GPHN: variants seen among roughly 807,000 people sequenced by gnomAD.
The protein encoded by GPHN is gephyrin.
GPHN carries 17 observed loss-of-function variants against 95.5 expected under a neutral mutation model. The ratio of observed to expected loss-of-function variants is 0.18; its 90% CI spans 0.12 to 0.27. The LOEUF (loss-of-function observed/expected upper bound fraction) is 0.27. Among genes scored for constraint, GPHN ranks in the 10% least tolerant of loss-of-function variants. GPHN has a pLI of 1.00. For synonymous variants in GPHN, 320 were observed against 322.5 expected (o/e 0.99, Z 0.08); for missense variants, 660 against 978.1 (o/e 0.67, Z 4.34).
At chr14:67,577,246 A>G in the GPHN span, 1 of 1,073,332 alleles carries the variant, frequency 9.3e-7, no homozygotes, top group Non-Finnish European at 1.4e-6. Context: ...TGAGTGGGAG[A>G]TGAGTCCCCT....
chr14:67,310,138 T>G, the GPHN span, among the ~76,000 whole-genome samples: 1 of 152,142 alleles, frequency 6.6e-6, no homozygotes, highest in African/African-American at 2.4e-5. Context: ...GATTATAAAT[T>G]TGTATAATCT....
the GPHN span, chr14:67,503,699 T>C: frequency 6.6e-6 from 1 of 152,160 alleles, no homozygotes; most frequent in Non-Finnish European, 1.5e-5. Flanking sequence ...TAAATTATTT[T>C]TATTTTTTAT....
At chr14:67,346,530 G>A in the GPHN span, among the ~76,000 whole-genome samples, 2 of 152,222 alleles carry the variant, frequency 1.3e-5, no homozygotes, top group Non-Finnish European at 2.9e-5. Context: ...GCCCAGGCTG[G>A]TCTCAAACTC....
intron 1 of GPHN, among the ~76,000 whole-genome samples, chr14:66,536,539 A>ATTTGTTATTT (rs61377153): frequency 0.31 from 47,290 of 152,108 alleles, 11,189 homozygotes; most frequent in African/African-American, 0.64. Flanking sequence ...TATTTTTGTC[A>ATTTGTTATTT]GATTTTGTTA....
At chr14:66,510,492 C>T (rs1775926465) in intron 1 of GPHN, among the ~76,000 whole-genome samples, 1 of 152,112 alleles carries the variant, frequency 6.6e-6, no homozygotes, top group Non-Finnish European at 1.5e-5. Flanking sequence ...TCTGGTGTCC[C>T]TACAGTCTAA....
the GPHN span, among the ~76,000 whole-genome samples, chr14:67,669,593 G>A: frequency 6.6e-6 from 1 of 152,088 alleles, no homozygotes; most frequent in Non-Finnish European, 1.5e-5. Context: ...AATGGCAGAA[G>A]AAGAAACATT....
chr14:67,362,557 C>T, the GPHN span, among the ~76,000 whole-genome samples: 2,257 of 152,126 alleles, frequency 0.015, 19 homozygotes, highest in Non-Finnish European at 0.023. Context: ...GTTATCTTTC[C>T]CAAGCAGCCA....
chr14:67,388,684 ATTTCT>A, the GPHN span, among the ~76,000 whole-genome samples: 10 of 152,078 alleles, frequency 6.6e-5, no homozygotes, highest in Admixed American at 3.3e-4. Context: ...TATAGTAATC[ATTTCT>A]TTTTTTTTGA....
chr14:67,110,622 A>C (rs1282727618), intron 14 of GPHN, among the ~76,000 whole-genome samples: 1 of 152,212 alleles, frequency 6.6e-6, no homozygotes, highest in Non-Finnish European at 1.5e-5. Flanking sequence ...AATGGTTGAC[A>C]TACCTTCCAG....
the GPHN span, among the ~76,000 whole-genome samples, chr14:67,225,997 A>T: frequency 6.7e-6 from 1 of 148,796 alleles, no homozygotes; most frequent in Non-Finnish European, 1.5e-5. Context: ...GTGCATGCTC[A>T]TAAGGGCTGA....
At chr14:67,285,396 T>G in the GPHN span, among the ~76,000 whole-genome samples, 1 of 146,092 alleles carries the variant, frequency 6.8e-6, no homozygotes, top group Non-Finnish European at 1.5e-5. Flanking sequence ...AGACGGAGTC[T>G]CGCTCTGTCG....
intron 3 of GPHN, among the ~76,000 whole-genome samples, chr14:66,820,907 A>C (rs1269738490): frequency 6.6e-6 from 1 of 152,178 alleles, no homozygotes; most frequent in East Asian, 1.9e-4. Flanking sequence ...TTATTCTACT[A>C]AAGATGAATG....
intron 1 of GPHN, among the ~76,000 whole-genome samples, chr14:66,671,236 C>T (rs577481632): frequency 1.1e-4 from 16 of 152,226 alleles, no homozygotes; most frequent in Non-Finnish European, 1.3e-4. Flanking sequence ...GTTAGGTTTT[C>T]GTGCCTTTGA....
chr14:67,442,454 C>A, the GPHN span, among the ~76,000 whole-genome samples: 176 of 152,246 alleles, frequency 1.2e-3, no homozygotes, highest in African/African-American at 4.1e-3. Context: ...TTCTACCTAG[C>A]GGTCCAGAAG....
intron 4 of GPHN, among the ~76,000 whole-genome samples, chr14:66,831,365 C>T (rs931270172): frequency 7.2e-5 from 11 of 152,008 alleles, no homozygotes; most frequent in Non-Finnish European, 1.3e-4. Context: ...GATAATTTAA[C>T]AATATTAAAT....
chr14:67,005,147 T>G (rs1209846611), intron 9 of GPHN, among the ~76,000 whole-genome samples: 2 of 151,546 alleles, frequency 1.3e-5, no homozygotes, highest in Non-Finnish European at 3.0e-5. Flanking sequence ...TCTTATGGAA[T>G]CCATTTTAAA....
the GPHN span, among the ~76,000 whole-genome samples, chr14:67,652,007 G>A: frequency 1.3e-5 from 2 of 152,126 alleles, no homozygotes; most frequent in South Asian, 2.1e-4. Context: ...TGGTTCTCAT[G>A]TTCACTCTAG....
chr14:67,280,942 G>A, the GPHN span, among the ~76,000 whole-genome samples: 2 of 148,854 alleles, frequency 1.3e-5, 1 homozygote, highest in Admixed American at 1.3e-4. Context: ...TGTTGCCCAG[G>A]CTGGAGTGCA....
chr14:67,297,448 CAAATTT>C, the GPHN span, among the ~76,000 whole-genome samples: 3 of 152,032 alleles, frequency 2.0e-5, no homozygotes, highest in African/African-American at 4.8e-5. Flanking sequence ...TTGTGTTTCT[CAAATTT>C]AACAGGAAAA....
Sources: allele counts gnomAD v4.1 joint callset (sites outside exome capture counted in the v4.1 genomes callset), GRCh38; gene constraint gnomAD v4.1.1; transcripts MANE v1.5; gene names NCBI Gene and HGNC (gene_info 2026-07-23, HGNC 2026-07-21).